CNGA3: variants seen among roughly 807,000 people sequenced by gnomAD.
The protein encoded by CNGA3 is cyclic nucleotide gated channel subunit alpha 3.
CNGA3 carries 42 observed loss-of-function variants against 46.6 expected under a neutral mutation model. The ratio of observed to expected loss-of-function variants is 0.90; its 90% CI spans 0.70 to 1.17. CNGA3 has a LOEUF of 1.17. CNGA3 is among the 50% of genes most tolerant of loss of function. CNGA3 has a pLI of 0.00. For synonymous variants in CNGA3, 394 were observed against 369.4 expected, an observed-to-expected ratio of 1.07 and a Z score of -0.76; for missense variants, 893 against 890.7, an observed-to-expected ratio of 1.00 and a Z score of -0.03.
chr2:98,347,370 G>T (rs937352095), intron 1 of CNGA3, among the ~76,000 whole-genome samples: 6 of 152,202 alleles, frequency 3.9e-5, no homozygotes, highest in Non-Finnish European at 8.8e-5. Context: ...CAGCCGTCAG[G>T]CTTTTCTCTT....
intron 6 of CNGA3, among the ~76,000 whole-genome samples, chr2:98,391,488 C>G (rs540900813): frequency 3.9e-5 from 6 of 152,132 alleles, no homozygotes; most frequent in Non-Finnish European, 7.3e-5. Flanking sequence ...GTTAATCTCT[C>G]GGAAATTCTC....
At chr2:98,381,001 C>T (rs182329738) in intron 4 of CNGA3, among the ~76,000 whole-genome samples, 15 of 152,218 alleles carry the variant, frequency 9.9e-5, no homozygotes, top group African/African-American at 2.4e-4. Context: ...CATCTTGCTT[C>T]GCCCCCACCC....
chr2:98,374,578 CT>C (rs1446509460), intron 2 of CNGA3, among the ~76,000 whole-genome samples: 2 of 152,202 alleles, frequency 1.3e-5, no homozygotes, highest in East Asian at 1.9e-4. Context: ...AAAGCATCTC[CT>C]TTTTTTCGGT....
chr2:98,367,426 C>A (rs773174198), intron 1 of CNGA3, among the ~76,000 whole-genome samples: 5 of 152,028 alleles, frequency 3.3e-5, no homozygotes, highest in Non-Finnish European at 7.4e-5. Context: ...AATCTCCTAA[C>A]CTTGTGATCC....
intron 6 of CNGA3, among the ~76,000 whole-genome samples, chr2:98,389,989 G>A (rs1692745875): frequency 6.6e-6 from 1 of 152,206 alleles, no homozygotes; most frequent in African/African-American, 2.4e-5. Context: ...TTGAGCTTCA[G>A]GTGGACAGCC....
chr2:98,360,503 C>G (rs1015569849), intron 1 of CNGA3, among the ~76,000 whole-genome samples: 1 of 152,194 alleles, frequency 6.6e-6, no homozygotes, highest in African/African-American at 2.4e-5. Flanking sequence ...CTCTGCACCC[C>G]ACTTGACTGT....
In CNGA3 at chr2:98,397,137, T is replaced by C; in HGVS notation, c.1967T>C (p.Met656Thr). ...RLLAEYNATQ[M>T]KMKQRLSQLE... Reference sequence around the variant, plus strand: ...CTGGCTGAGTACAACGCCACCCAGATGAAGATGAAGCAGCGTCTCAGCCAA... The same window carrying C: ...CTGGCTGAGTACAACGCCACCCAGACGAAGATGAAGCAGCGTCTCAGCCAA... Residue 656 changes from methionine (M) to threonine (T), a missense_variant, in exon 8 of 8, where the codon ATG becomes ACG. Met to Thr is a moderately conservative substitution (Grantham distance 81). Transcript: ENST00000272602. 7 of 1,613,840 alleles carry C rather than the reference T, an allele frequency of 4.3e-6. No homozygotes were observed. The highest frequency in any genetic ancestry group is 5.9e-6 in the Non-Finnish European group (7 of 1,179,952).
At chr2:98,352,808 G>A (rs1691795635) in intron 1 of CNGA3, among the ~76,000 whole-genome samples, 1 of 152,136 alleles carries the variant, frequency 6.6e-6, no homozygotes, top group South Asian at 2.1e-4. Context: ...CTGGTTCTCA[G>A]AACTGCACCA....
At chr2:98,367,288 G>A (rs190685490) in intron 1 of CNGA3, among the ~76,000 whole-genome samples, 1,943 of 150,622 alleles carry the variant, frequency 0.013, 24 homozygotes, top group Admixed American at 0.033. Context: ...TCCGCCTCCC[G>A]GGTTCACACC....
chr2:98,353,507 C>G (rs1691813182), intron 1 of CNGA3, among the ~76,000 whole-genome samples: 1 of 152,178 alleles, frequency 6.6e-6, no homozygotes, highest in Non-Finnish European at 1.5e-5. Flanking sequence ...ACAGTCATCT[C>G]TCAGTATCTG....
chr2:98,391,041 G>A (rs940008902), intron 6 of CNGA3, among the ~76,000 whole-genome samples: 3 of 152,204 alleles, frequency 2.0e-5, no homozygotes, highest in Admixed American at 2.0e-4. Flanking sequence ...GAGCAAGCCT[G>A]CAAGACAGAG....
At chr2:98,386,639 A>T (rs887622212) in intron 5 of CNGA3, among the ~76,000 whole-genome samples, 16 of 152,194 alleles carry the variant, frequency 1.1e-4, no homozygotes, top group Admixed American at 7.8e-4. Flanking sequence ...TAATACAGGT[A>T]GGTTATCCTG....
intron 1 of CNGA3, among the ~76,000 whole-genome samples, chr2:98,367,020 A>G (rs1187308200): frequency 6.6e-6 from 1 of 152,028 alleles, no homozygotes; most frequent in Non-Finnish European, 1.5e-5. Context: ...TGCCGCTCCC[A>G]GGTGGGCAGG....
chr2:98,358,774 C>T (rs944841041), intron 1 of CNGA3, among the ~76,000 whole-genome samples: 11 of 152,032 alleles, frequency 7.2e-5, no homozygotes, highest in Non-Finnish European at 1.2e-4. Flanking sequence ...TCTGAGTTAT[C>T]TTAAACTTAC....
chr2:98,373,662 T>C (rs1179095404), intron 2 of CNGA3, among the ~76,000 whole-genome samples: 1 of 152,134 alleles, frequency 6.6e-6, no homozygotes, highest in Non-Finnish European at 1.5e-5. Context: ...TAAGTCTGAG[T>C]TTTCATTTCT....
intron 5 of CNGA3, among the ~76,000 whole-genome samples, chr2:98,388,624 G>C (rs929498168): frequency 4.6e-5 from 7 of 152,200 alleles, no homozygotes; most frequent in African/African-American, 7.2e-5. Flanking sequence ...TGCAGCCTCC[G>C]GTGGGCAGCC....
At position 98,350,861 on chromosome 2, in the gene CNGA3, A is replaced by C. The variant is rs1691754915; in HGVS notation, c.-38+4327A>C. On this transcript the variant is annotated intron_variant, in intron 1 of 7. Transcript: ENST00000272602. Reference sequence around the variant, plus strand: ...TATAAAAATGCTGGAGTTCAGAGAGAGATAACTCTACCTTCCTGTCATGAG... The same window carrying C: ...TATAAAAATGCTGGAGTTCAGAGAGCGATAACTCTACCTTCCTGTCATGAG... 1.3e-5 allele frequency: 2 copies of C among 152,192 alleles called. 1 individual carries two copies. Among genetic ancestry groups the C allele is most frequent in the South Asian group, 4.1e-4 (2 of 4,830 alleles). 9.4% of individuals were successfully genotyped at this position (152,192 alleles called of 1,614,324 possible). A position where few individuals can be genotyped will look rare whatever the true frequency, so the allele number is the denominator to read the frequency against.
chr2:98,384,940 C>T (rs3769745), intron 5 of CNGA3, among the ~76,000 whole-genome samples: 31,823 of 152,174 alleles, frequency 0.21, 3,658 homozygotes, highest in East Asian at 0.31. Flanking sequence ...TTTATGAACA[C>T]CTTCCCCGAC....
In CNGA3 at chr2:98,398,160, G is replaced by A. The variant is rs935384525; in HGVS notation, c.*905G>A. On this transcript the variant is annotated 3_prime_UTR_variant, in exon 8 of 8. Transcript: ENST00000272602. Reference sequence around the variant, plus strand: ...TTTAGAAGATTAGACCATTAGGAACGTATCTTTGCAAACTGCCCATTCACC... The same window carrying A: ...TTTAGAAGATTAGACCATTAGGAACATATCTTTGCAAACTGCCCATTCACC... The A allele has an allele frequency of 3.3e-5, 5 of 152,112 alleles. No individual in the cohort carries two copies. The highest frequency in any genetic ancestry group is 4.8e-5 in the African/African-American group (2 of 41,410). 9.4% of individuals were successfully genotyped at this position (152,112 alleles called of 1,614,324 possible).
Sources: gnomAD v4.1 joint callset for allele counts (sites outside exome capture counted in the v4.1 genomes callset) on GRCh38, gnomAD v4.1.1 for gene constraint, MANE v1.5 for transcripts, NCBI Gene and HGNC (gene_info 2026-07-23, HGNC 2026-07-21) for gene names.